The following NRCAM variants were observed in gnomAD, a reference collection of about 807,000 sequenced individuals.
The protein encoded by NRCAM is NgCAM-related cell adhesion molecule.
In NRCAM, 83 loss-of-function variants were observed where a neutral mutation model predicts 156.5. The observed-to-expected ratio is 0.53, with a 90% confidence interval of 0.44 to 0.64. The LOEUF is 0.64. NRCAM is among the 30% of genes least tolerant of loss of function. The pLI, the probability that NRCAM is intolerant of heterozygous loss-of-function variation, is 0.00. For synonymous variants in NRCAM, 538 were observed against 563.9 expected (o/e 0.95, Z 0.65); for missense variants, 1,417 against 1,597.3 (o/e 0.89, Z 1.92).
intron 2 of NRCAM, among the ~76,000 whole-genome samples, chr7:108,356,602 CTG>C (rs1159635178): frequency 3.3e-5 from 5 of 152,106 alleles, no homozygotes; most frequent in Admixed American, 6.5e-5. Flanking sequence ...GAGAAAAAGA[CTG>C]TTTTTTAAGA....
chr7:108,246,776 T>G (rs145411892), intron 3 of NRCAM, among the ~76,000 whole-genome samples: 1 of 152,370 alleles, frequency 6.6e-6, no homozygotes, highest in Admixed American at 6.5e-5. Flanking sequence ...TCCAGTCTTG[T>G]GTATTCTACA....
rs138146461 is a variant in NRCAM at position 108,195,765 on chromosome 7, C to T, written c.1459G>A (p.Glu487Lys). Reference protein sequence around the residue: ...AFFGSPLPTIEWFKGAKGSAL... With the variant: ...AFFGSPLPTIKWFKGAKGSAL... ...ACACACAGAGCTGCTACTTACCACTCGATGGTTGGGAGAGGAGACCCAAAG... is the reference window on the plus strand; with the variant it reads ...ACACACAGAGCTGCTACTTACCACTTGATGGTTGGGAGAGGAGACCCAAAG... Residue 487 changes from glutamate to lysine, a missense_variant, in exon 15 of 33, where the codon GAG becomes AAG. By Grantham distance (56) the Glu-to-Lys change is moderately conservative. This residue lies in a region of NRCAM where 1,238 missense variants were observed against 1,336.4 expected (regional missense o/e 0.93). Coordinates refer to ENST00000379028, the MANE Select transcript of NRCAM (RefSeq NM_001037132.4). 32 of 1,567,368 alleles carry T rather than the reference C, an allele frequency of 2.0e-5. No individual in the cohort carries two copies. Among genetic ancestry groups the T allele is most frequent in the Admixed American group, 6.7e-5 (4 of 59,790 alleles).
chr7:108,192,035 A>G (rs1243365187), intron 17 of NRCAM, among the ~76,000 whole-genome samples, 182 bp from the exon 18 acceptor site: 1 of 152,248 alleles, frequency 6.6e-6, no homozygotes, highest in Non-Finnish European at 1.5e-5. Flanking sequence ...ATGAGAATCA[A>G]TTAGAATATT....
At chr7:108,165,086 T>C (rs569573065) in intron 30 of NRCAM, among the ~76,000 whole-genome samples, 54 of 152,218 alleles carry the variant, frequency 3.5e-4, no homozygotes, top group Admixed American at 7.9e-4. Context: ...TTTTTATACA[T>C]AGTAGATTCT....
At chr7:108,183,161 C>T (rs537853804) in intron 22 of NRCAM, among the ~76,000 whole-genome samples, 15 of 152,340 alleles carry the variant, frequency 9.8e-5, no homozygotes, top group African/African-American at 3.4e-4. Context: ...ATAAATATCA[C>T]ATAAACCTTT....
At chr7:108,266,541 A>T (rs896586056) in intron 3 of NRCAM, among the ~76,000 whole-genome samples, 1 of 147,286 alleles carries the variant, frequency 6.8e-6, no homozygotes. Flanking sequence ...TTTAAATGAT[A>T]TTTTTTGGGG....
At chr7:108,436,252 C>T (rs2154474812) in intron 1 of NRCAM, among the ~76,000 whole-genome samples, 1 of 152,284 alleles carries the variant, frequency 6.6e-6, no homozygotes, top group East Asian at 1.9e-4. Flanking sequence ...TCTTCAGAAG[C>T]AGACCAACCA....
chr7:108,304,093 T>G (rs2098677430), intron 3 of NRCAM, among the ~76,000 whole-genome samples: 1 of 152,172 alleles, frequency 6.6e-6, no homozygotes, highest in East Asian at 1.9e-4. Context: ...TTTCAATCAT[T>G]TCTTAGGTCT....
intron 1 of NRCAM, among the ~76,000 whole-genome samples, chr7:108,411,381 T>C (rs1246959939): frequency 6.6e-6 from 1 of 152,142 alleles, no homozygotes; most frequent in East Asian, 1.9e-4. Flanking sequence ...CCTGAATGTC[T>C]CTATCATTAG....
intron 3 of NRCAM, among the ~76,000 whole-genome samples, chr7:108,300,546 T>G (rs1348725498): frequency 6.6e-6 from 1 of 152,142 alleles, no homozygotes; most frequent in Non-Finnish European, 1.5e-5. Flanking sequence ...TGTGTTAAAC[T>G]AGGGACACCA....
intron 2 of NRCAM, among the ~76,000 whole-genome samples, chr7:108,346,721 T>C (rs1229844006): frequency 6.6e-6 from 1 of 152,164 alleles, no homozygotes; most frequent in African/African-American, 2.4e-5. Flanking sequence ...AGACAGGCTC[T>C]CTAACATCTA....
intron 20 of NRCAM, among the ~76,000 whole-genome samples, chr7:108,187,399 C>T (rs550499810): frequency 6.6e-6 from 1 of 152,284 alleles, no homozygotes; most frequent in Admixed American, 6.5e-5. Flanking sequence ...TTCCTTTGCT[C>T]TTGCTGGAAA....
intron 1 of NRCAM, among the ~76,000 whole-genome samples, chr7:108,425,311 C>G (rs954975440): frequency 2.0e-5 from 3 of 152,150 alleles, no homozygotes; most frequent in Admixed American, 2.0e-4. Flanking sequence ...TAGATATTTC[C>G]AAATTCATTT....
At position 108,149,838 on chromosome 7, in the gene NRCAM, TGA is replaced by T; in HGVS notation, c.*70_*71del. 2.5e-6 allele frequency: 3 copies of T among 1,209,416 alleles called. No individual in the cohort carries two copies. Among genetic ancestry groups the T allele is most frequent in the Non-Finnish European group, 2.4e-6 (2 of 841,480 alleles). The allele number at this position is 1,209,416 out of a possible 1,614,324, so 74.9% of individuals were successfully genotyped here. A position where few individuals can be genotyped will look rare whatever the true frequency, so the allele number is the denominator to read the frequency against. On this transcript the variant is annotated 3_prime_UTR_variant, in exon 33 of 33. Coordinates refer to ENST00000379028, the MANE Select transcript of NRCAM (RefSeq NM_001037132.4). ...ACTCTCTACCCATATGTTCATAGTATGAGAGGGCTGACAAACAAGTGCTTAGG... is the reference window on the plus strand; with the variant it reads ...ACTCTCTACCCATATGTTCATAGTATGAGGGCTGACAAACAAGTGCTTAGG...
chr7:108,419,712 A>G (rs905348033), intron 1 of NRCAM, among the ~76,000 whole-genome samples: 4 of 152,226 alleles, frequency 2.6e-5, no homozygotes, highest in Admixed American at 2.6e-4. Context: ...TCCTTTATCC[A>G]AGATAAAAAC....
intron 30 of NRCAM, among the ~76,000 whole-genome samples, chr7:108,160,768 C>T (rs73197646): frequency 0.047 from 7,188 of 152,252 alleles, 235 homozygotes; most frequent in East Asian, 0.11. Context: ...GTTATTTTCA[C>T]TATATATTCT....
At position 108,168,282 on chromosome 7, in the gene NRCAM, G is replaced by A. The variant is rs1309349594; in HGVS notation, c.3308C>T (p.Ala1103Val). The change falls in exon 29 of 33, where the codon GCA (alanine) becomes GTA (valine). Residue 1103 changes from alanine to valine, a missense_variant. Coordinates refer to ENST00000379028, the MANE Select transcript of NRCAM (RefSeq NM_001037132.4). ...HVNFYVEYGV[A>V]GSKEEWRKEI... ...GTAATGAAATTGTTTCTTACTGCCT[G>A]CTACACCATATTCAACATAAAAGTT... 1 of 1,568,614 alleles carries A rather than the reference G, an allele frequency of 6.4e-7. No homozygotes were observed. Among genetic ancestry groups the A allele is most frequent in the Non-Finnish European group, 8.6e-7 (1 of 1,160,836 alleles).
At chr7:108,214,693 TA>T (rs1489441350) in intron 11 of NRCAM, among the ~76,000 whole-genome samples, 2 of 152,228 alleles carry the variant, frequency 1.3e-5, no homozygotes, top group Non-Finnish European at 2.9e-5. Flanking sequence ...ATTGTGATGT[TA>T]GGGTATCAAA....
chr7:108,256,576 C>T (rs1037429041), intron 3 of NRCAM, among the ~76,000 whole-genome samples: 10 of 151,868 alleles, frequency 6.6e-5, no homozygotes, highest in Middle Eastern at 3.4e-3. Context: ...TGTCCTATGA[C>T]CCTGCCAAAT....
Sources: allele counts gnomAD v4.1 joint callset (sites outside exome capture counted in the v4.1 genomes callset), GRCh38; gene constraint gnomAD v4.1.1; regional missense constraint gnomAD v4.1.1; transcripts MANE v1.5; gene names NCBI Gene and HGNC (gene_info 2026-07-23, HGNC 2026-07-21).